USP6: variants seen among roughly 807,000 people sequenced by gnomAD.
The protein encoded by USP6 is ubiquitin carboxyl-terminal hydrolase 6.
USP6 carries 128 observed loss-of-function variants against 175.7 expected under a neutral mutation model. That is an observed-to-expected ratio of 0.73 (90% CI 0.63 to 0.84). The LOEUF is 0.84. Among genes scored for constraint, USP6 ranks in the 40% least tolerant of loss-of-function variants. The pLI is 0.00. For missense variants in USP6, 1,498 were observed against 1,760.3 expected (o/e 0.85, Z 2.67); for synonymous variants, 562 against 630.6 (o/e 0.89, Z 1.63).
At chr17:5,151,791 A>G (rs554278339) in intron 30 of USP6, among the ~76,000 whole-genome samples, 2 of 152,324 alleles carry the variant, frequency 1.3e-5, no homozygotes, top group East Asian at 1.9e-4. Context: ...AGATATCCAT[A>G]TGAAACTTGG....
chr17:5,170,780 G>C lies in USP6; in HGVS notation c.3819G>C (p.Glu1273Asp). 1 of 1,613,934 alleles carries C rather than the reference G, an allele frequency of 6.2e-7. No individual in the cohort carries two copies. The highest frequency in any genetic ancestry group is 8.5e-7 in the Non-Finnish European group (1 of 1,179,870). ...EVALANGFLY[E>D]HEACGNGCGD... Reference sequence around the variant, plus strand: ...CTTTGGCCAATGGATTCCTTTATGAGCATGAAGCATGTGGCAATGGCTGTG... The same window carrying C: ...CTTTGGCCAATGGATTCCTTTATGACCATGAAGCATGTGGCAATGGCTGTG... Residue 1273 changes from glutamate (E) to aspartate (D), a missense_variant, in exon 36 of 38, where the codon GAG becomes GAC. By Grantham distance (45) the Glu-to-Asp change is conservative. Around this residue, in one of 2 missense-constraint regions of USP6, gnomAD observed 1,217 missense variants for 1,500.8 expected, o/e 0.81. Coordinates refer to ENST00000574788, the MANE Select transcript of USP6 (RefSeq NM_001304284.2).
At position 5,127,579 on chromosome 17, in the gene USP6, C is replaced by T. The variant is rs913871930; in HGVS notation, c.-398C>T. ...AATGGATGGATGAATGGACAGCAGT[C>T]CAGGGAGATGTCCCTGTGTGTCCTG... On this transcript the variant is annotated 5_prime_UTR_variant, in exon 7 of 38. Transcript: ENST00000574788. 6.6e-6 allele frequency: 1 copy of T among 152,222 alleles called. No individual in the cohort carries two copies. Among genetic ancestry groups the T allele is most frequent in the Non-Finnish European group, 1.5e-5 (1 of 68,062 alleles). The allele number at this position is 152,222 out of a possible 1,614,324, so 9.4% of individuals were successfully genotyped here. A position where few individuals can be genotyped will look rare whatever the true frequency, so the allele number is the denominator to read the frequency against.
intron 37 of USP6, 120 bp from the exon 38 acceptor site, chr17:5,172,685 G>A: frequency 7.2e-7 from 1 of 1,389,944 alleles, no homozygotes; most frequent in Non-Finnish European, 9.8e-7. Flanking sequence ...AGCCAAACTA[G>A]TGAGCTTATT....
intron 37 of USP6, 57 bp downstream of exon 37, chr17:5,171,736 T>G: frequency 6.5e-7 from 1 of 1,547,140 alleles, no homozygotes; most frequent in South Asian, 1.1e-5. Context: ...TGGGGAACAT[T>G]TGTTGAAATA....
At chr17:5,146,984 G>A in intron 28 of USP6, 99 bp from the exon 29 acceptor site, 1 of 1,222,796 alleles carries the variant, frequency 8.2e-7, no homozygotes, top group South Asian at 1.6e-5. Context: ...TTTTATGGAT[G>A]AAAGGACCTA....
intron 30 of USP6, among the ~76,000 whole-genome samples, chr17:5,150,331 T>TAAATA (rs1555602167): frequency 6.8e-6 from 1 of 147,196 alleles, no homozygotes; most frequent in African/African-American, 2.5e-5. Flanking sequence ...AATAAATAAA[T>TAAATA]AAATAAAATA....
intron 22 of USP6, among the ~76,000 whole-genome samples, chr17:5,140,568 A>C (rs561651269): frequency 9.9e-5 from 15 of 152,174 alleles, no homozygotes; most frequent in African/African-American, 3.6e-4. Flanking sequence ...GTGAGACAAT[A>C]TCTCTTAAAA....
At chr17:5,150,299 T>TAAAA (rs1368315907) in intron 30 of USP6, among the ~76,000 whole-genome samples, 89 of 94,476 alleles carry the variant, frequency 9.4e-4, no homozygotes, top group Admixed American at 5.2e-3. Context: ...TCTAAAAAAA[T>TAAAA]AAATAAATAA....
rs1187574494 is a variant in USP6 at position 5,163,058 on chromosome 17, CA to C, written c.3036+55del. 16 of 1,504,962 alleles carry C rather than the reference CA, an allele frequency of 1.1e-5. No individual in the cohort carries two copies. The East Asian group carries it at 3.8e-4, about 35-fold the overall frequency. 93.2% of individuals were successfully genotyped at this position (1,504,962 alleles called of 1,614,324 possible). The stretch of plus-strand genomic sequence containing the variant: ...TGGTTTTTATATGGGAAATTTCCCC[CA>C]GTGTAACTATTATGCCATTTCTGTT... On this transcript the variant is annotated intron_variant, in intron 33 of 37. Coordinates refer to ENST00000574788, the MANE Select transcript of USP6 (RefSeq NM_001304284.2).
chr17:5,166,165 T>C (rs2074092049), intron 33 of USP6, among the ~76,000 whole-genome samples: 1 of 152,122 alleles, frequency 6.6e-6, no homozygotes, highest in African/African-American at 2.4e-5. Flanking sequence ...GTTCAAAAGA[T>C]GATGACAGTT....
chr17:5,137,271 T>C, intron 19 of USP6, 85 bp downstream of exon 19: 6 of 1,542,684 alleles, frequency 3.9e-6, no homozygotes, highest in Non-Finnish European at 5.3e-6. Context: ...TCTGGCTCAC[T>C]CCCAGCCCAC....
intron 37 of USP6, among the ~76,000 whole-genome samples, chr17:5,172,191 A>G (rs1273084391): frequency 6.7e-6 from 1 of 150,084 alleles, no homozygotes; most frequent in Non-Finnish European, 1.5e-5. Flanking sequence ...AAAAAAAAAA[A>G]GTAGTTAGTT....
chr17:5,154,805 A>G (rs778342090), intron 30 of USP6, among the ~76,000 whole-genome samples: 5 of 152,080 alleles, frequency 3.3e-5, no homozygotes, highest in Non-Finnish European at 5.9e-5. Flanking sequence ...GCACGATCAC[A>G]GATCACTGTA....
At chr17:5,138,318 A>G in intron 21 of USP6, 45 bp downstream of exon 21, 1 of 1,610,662 alleles carries the variant, frequency 6.2e-7, no homozygotes. Context: ...CCTCTGGGGC[A>G]GTCAATAGTG....
intron 29 of USP6, 47 bp from the exon 30 acceptor site, chr17:5,148,509 G>A: frequency 1.2e-6 from 2 of 1,602,998 alleles, no homozygotes; most frequent in Non-Finnish European, 1.7e-6. Context: ...GAGCAAAGAT[G>A]AAAATACCAC....
chr17:5,171,778 TTC>T (rs1487006894), intron 37 of USP6, 99 bp downstream of exon 37: 10 of 1,290,182 alleles, frequency 7.8e-6, no homozygotes, highest in Admixed American at 2.2e-5. Context: ...AAATAGATAT[TTC>T]TGTTAGAATT....
At chr17:5,150,304 AAAT>A (rs2073730999) in intron 30 of USP6, among the ~76,000 whole-genome samples, 4 of 140,676 alleles carry the variant, frequency 2.8e-5, no homozygotes, top group Admixed American at 1.4e-4. Flanking sequence ...AAAAATAAAT[AAAT>A]AAATAAATAA....
At chr17:5,158,011 T>G (rs2073922339) in intron 31 of USP6, among the ~76,000 whole-genome samples, 1 of 152,182 alleles carries the variant, frequency 6.6e-6, no homozygotes, top group Admixed American at 6.5e-5. Context: ...GAGCAGATTT[T>G]GGCAAGAAAA....
At chr17:5,150,750 C>G (rs2073748528) in intron 30 of USP6, among the ~76,000 whole-genome samples, 1 of 152,228 alleles carries the variant, frequency 6.6e-6, no homozygotes, top group Non-Finnish European at 1.5e-5. Context: ...GCCTCGCCCT[C>G]CCGAAGTGCT....
Sources: allele counts gnomAD v4.1 joint callset (sites outside exome capture counted in the v4.1 genomes callset), GRCh38; gene constraint gnomAD v4.1.1; regional missense constraint gnomAD v4.1.1; transcripts MANE v1.5; gene names NCBI Gene and HGNC (gene_info 2026-07-23, HGNC 2026-07-21).